Variants in PTPN20 observed in about 807,000 individuals in gnomAD.
The protein encoded by PTPN20 is tyrosine-protein phosphatase non-receptor type 20.
Under a neutral mutation model 35.0 loss-of-function variants are expected in PTPN20, and 9 were observed. That is an observed-to-expected ratio of 0.26 (90% CI 0.15 to 0.45). The LOEUF is 0.45. PTPN20 is among the 20% of genes least tolerant of loss of function. The pLI is 1.00. For synonymous variants in PTPN20, 32 were observed against 100.2 expected, an observed-to-expected ratio of 0.32 and a Z score of 4.06; for missense variants, 111 against 312.5, an observed-to-expected ratio of 0.36 and a Z score of 4.86.
In PTPN20 at chr10:46,954,704, G is replaced by A. The variant is rs1167651207; in HGVS notation, c.340+8029G>A. On this transcript the variant is annotated intron_variant, in intron 5 of 10. Transcript: ENST00000374339. ...GATATTTTCCAAGAACTAGCTTTTAGTTTCCCTTACTTTCTCATTGATTTC... is the reference window on the plus strand; with the variant it reads ...GATATTTTCCAAGAACTAGCTTTTAATTTCCCTTACTTTCTCATTGATTTC... 5.7e-4 allele frequency among the ~76,000 whole-genome samples: 85 copies of A among 149,508 alleles called. 3 individuals carry two copies. The highest frequency in any genetic ancestry group is 2.1e-3 in the African/African-American group (84 of 39,488).
At chr10:46,992,423 C>G (rs930951646) in intron 9 of PTPN20, among the ~76,000 whole-genome samples, 2 of 151,870 alleles carry the variant, frequency 1.3e-5, no homozygotes, top group Admixed American at 6.6e-5. Context: ...ACCCCTGGCC[C>G]GAAATTCTTT....
At chr10:46,977,221 A>T (rs1207376640) in intron 7 of PTPN20, among the ~76,000 whole-genome samples, 16 of 152,416 alleles carry the variant, frequency 1.0e-4, no homozygotes, top group Middle Eastern at 6.8e-3. Flanking sequence ...TGCACTCAAG[A>T]CTACAATGTC....
intron 9 of PTPN20, among the ~76,000 whole-genome samples, chr10:46,993,644 CAAA>C (rs2137497108): frequency 6.6e-6 from 1 of 152,228 alleles, no homozygotes; most frequent in South Asian, 2.1e-4. Flanking sequence ...AGAATAGAAA[CAAA>C]GAAAAAATTT....
chr10:46,918,857 GTT>G (rs2033996873), intron 1 of PTPN20, among the ~76,000 whole-genome samples: 1 of 123,114 alleles, frequency 8.1e-6, no homozygotes, highest in Non-Finnish European at 1.6e-5. Context: ...CCCTATAAAA[GTT>G]AGGCCAAATT....
In PTPN20 at chr10:47,000,666, A is replaced by T; in HGVS notation, c.1198-10A>T. 2 of 1,613,066 alleles carry T rather than the reference A, an allele frequency of 1.2e-6. No homozygotes were observed. The highest frequency in any genetic ancestry group is 1.7e-6 in the Non-Finnish European group (2 of 1,179,212). On this transcript the variant is annotated splice_polypyrimidine_tract_variant and intron_variant, in intron 10 of 10. Transcript: ENST00000374339. Reference sequence around the variant, plus strand: ...TAACATTCTGTTGTTTTTTATATATATGTATATAGGAGCAGTATCACTTTT... The same window carrying T: ...TAACATTCTGTTGTTTTTTATATATTTGTATATAGGAGCAGTATCACTTTT...
chr10:47,000,403 G>A (rs2059899125), intron 10 of PTPN20, among the ~76,000 whole-genome samples: 2 of 152,270 alleles, frequency 1.3e-5, no homozygotes, highest in South Asian at 2.1e-4. Context: ...GTCATTGGGA[G>A]GGTAGATTAA....
At chr10:47,000,431 TA>T (rs1336609382) in intron 10 of PTPN20, among the ~76,000 whole-genome samples, 9 of 151,876 alleles carry the variant, frequency 5.9e-5, no homozygotes, top group Non-Finnish European at 8.8e-5. Context: ...TGGATAATGA[TA>T]AAAAAAACAG....
chr10:46,939,617 T>G (rs1312270839), intron 2 of PTPN20, among the ~76,000 whole-genome samples: 1 of 150,390 alleles, frequency 6.6e-6, no homozygotes, highest in South Asian at 2.1e-4. Flanking sequence ...GTAGTTTCTC[T>G]GGGTTTCCTC....
At chr10:46,976,398 C>CTT (rs1198403320) in intron 7 of PTPN20, among the ~76,000 whole-genome samples, 1,519 of 69,636 alleles carry the variant, frequency 0.022, 48 homozygotes, top group African/African-American at 0.049. Flanking sequence ...TCAAGCTCTA[C>CTT]TTTTTTTTTT....
intron 9 of PTPN20, among the ~76,000 whole-genome samples, chr10:46,994,921 A>G (rs1555179917): frequency 1.3e-5 from 2 of 152,082 alleles, no homozygotes; most frequent in East Asian, 3.9e-4. Flanking sequence ...TGAATTTTTC[A>G]GTTCAGCTAA....
At chr10:46,977,573 T>C (rs2054151054) in intron 7 of PTPN20, among the ~76,000 whole-genome samples, 1 of 147,290 alleles carries the variant, frequency 6.8e-6, no homozygotes, top group Non-Finnish European at 1.5e-5. Flanking sequence ...ATTCAGACAT[T>C]TACAAGAAGC....
At chr10:46,975,896 G>T (rs1271477469) in intron 7 of PTPN20, among the ~76,000 whole-genome samples, 1 of 151,262 alleles carries the variant, frequency 6.6e-6, no homozygotes, top group Non-Finnish European at 1.5e-5. Flanking sequence ...CCTGACCTCA[G>T]GTGATCCACC....
At chr10:46,936,020 T>G (rs1476959077) in intron 2 of PTPN20, among the ~76,000 whole-genome samples, 1 of 152,144 alleles carries the variant, frequency 6.6e-6, no homozygotes, top group Non-Finnish European at 1.5e-5. Context: ...TGGTATCTCA[T>G]TGTGGTTTTC....
intron 7 of PTPN20, among the ~76,000 whole-genome samples, chr10:46,978,888 T>A (rs1372484634): frequency 6.7e-6 from 1 of 148,528 alleles, no homozygotes; most frequent in African/African-American, 2.5e-5. Flanking sequence ...GATCATGGTG[T>A]TCCTAGAAGT....
intron 10 of PTPN20, 33 bp from the exon 11 acceptor site, chr10:47,000,643 A>G: frequency 1.2e-6 from 2 of 1,609,392 alleles, no homozygotes; most frequent in Non-Finnish European, 1.7e-6. Flanking sequence ...CAATTACTTA[A>G]CATTCTGTTG....
intron 5 of PTPN20, among the ~76,000 whole-genome samples, chr10:46,952,845 T>A (rs2047110078): frequency 6.6e-6 from 1 of 151,488 alleles, no homozygotes; most frequent in East Asian, 1.9e-4. Flanking sequence ...ATACTTGGAA[T>A]CCAGCACACT....
At chr10:46,920,528 A>G (rs1589151976) in intron 1 of PTPN20, among the ~76,000 whole-genome samples, 1 of 150,118 alleles carries the variant, frequency 6.7e-6, no homozygotes, top group Non-Finnish European at 1.5e-5. Context: ...ATTAAAGACA[A>G]CCCTCCAGAG....
At chr10:46,995,275 T>C (rs1270321619) in intron 9 of PTPN20, among the ~76,000 whole-genome samples, 16 of 152,052 alleles carry the variant, frequency 1.1e-4, no homozygotes, top group Non-Finnish European at 5.9e-5. Flanking sequence ...ATTTTTGTTT[T>C]TTATTGAATG....
chr10:46,977,446 C>G (rs1413778610), intron 7 of PTPN20, among the ~76,000 whole-genome samples: 1 of 152,394 alleles, frequency 6.6e-6, no homozygotes, highest in South Asian at 2.1e-4. Flanking sequence ...TGAATTACTT[C>G]CCTAATCTGA....
Sources: allele counts gnomAD v4.1 joint callset (sites outside exome capture counted in the v4.1 genomes callset), GRCh38; gene constraint gnomAD v4.1.1; transcripts MANE v1.5; gene names NCBI Gene and HGNC (gene_info 2026-07-23, HGNC 2026-07-21).